Variants in GABRA3 observed in about 807,000 individuals in gnomAD.
GABRA3 encodes gamma-aminobutyric acid type A receptor subunit alpha3.
In GABRA3, 10 loss-of-function variants were observed where a neutral mutation model predicts 30.1. That is an observed-to-expected ratio of 0.33 (90% CI 0.20 to 0.56). The LOEUF (loss-of-function observed/expected upper bound fraction) is 0.56, where lower values mean the gene tolerates loss of function less well. Among genes scored for constraint, GABRA3 ranks in the 20% least tolerant of loss-of-function variants. GABRA3 has a pLI of 0.89. For missense variants in GABRA3, 233 were observed against 392.0 expected (o/e 0.59, Z 3.42); for synonymous variants, 151 against 146.8 (o/e 1.03, Z -0.21).
chrX:152,319,474 G>C (rs978370819), intron 3 of GABRA3, among the ~76,000 whole-genome samples: 3 of 111,666 alleles, frequency 2.7e-5, no homozygotes, highest in Admixed American at 9.5e-5. Flanking sequence ...ACATAAAATG[G>C]GGAAAGGACA....
chrX:152,252,059 T>C (rs1027858094), intron 5 of GABRA3, among the ~76,000 whole-genome samples: 1 of 111,370 alleles, frequency 9.0e-6, no homozygotes. Context: ...TCTTTTGTAC[T>C]ACCTCACAAA....
intron 1 of GABRA3, among the ~76,000 whole-genome samples, chrX:152,443,920 C>A (rs1931000148): frequency 9.0e-6 from 1 of 111,511 alleles, no homozygotes; most frequent in African/African-American, 3.3e-5. Context: ...TGGGGAAATG[C>A]TCACAATATA....
At chrX:152,202,944 C>A (rs780597223) in intron 7 of GABRA3, among the ~76,000 whole-genome samples, 1 of 112,047 alleles carries the variant, frequency 8.9e-6, no homozygotes, top group Non-Finnish European at 1.9e-5. Context: ...ATAGAATAAA[C>A]CCATAAGAAA....
chrX:152,281,757 T>C (rs1430750700), intron 4 of GABRA3, among the ~76,000 whole-genome samples: 3 of 111,837 alleles, frequency 2.7e-5, no homozygotes, highest in Non-Finnish European at 5.6e-5. Context: ...TCTGCAGGGC[T>C]TGCTATTAAT....
chrX:152,300,602 C>A (rs962954306), intron 3 of GABRA3, among the ~76,000 whole-genome samples: 1 of 112,327 alleles, frequency 8.9e-6, no homozygotes, highest in African/African-American at 3.2e-5. Flanking sequence ...GAGTTTAAAT[C>A]AACTATTATA....
At chrX:152,287,176 A>G (rs1409364330) in intron 3 of GABRA3, among the ~76,000 whole-genome samples, 1 of 112,410 alleles carries the variant, frequency 8.9e-6, no homozygotes, top group Non-Finnish European at 1.9e-5. Context: ...ATACAGAATA[A>G]CTTTCTAAAT....
chrX:152,403,238 G>C (rs1188208673), intron 1 of GABRA3, among the ~76,000 whole-genome samples: 1 of 110,915 alleles, frequency 9.0e-6, no homozygotes, highest in Non-Finnish European at 1.9e-5. Flanking sequence ...GTTTGCAATG[G>C]AATAATAGTT....
chrX:152,432,939 A>G (rs1930683201), intron 1 of GABRA3, among the ~76,000 whole-genome samples: 1 of 110,968 alleles, frequency 9.0e-6, no homozygotes, highest in Non-Finnish European at 1.9e-5. Flanking sequence ...ATAACCTATC[A>G]GTGCAATTCA....
intron 5 of GABRA3, among the ~76,000 whole-genome samples, chrX:152,244,703 A>G (rs1460004925): frequency 8.9e-6 from 1 of 111,941 alleles, no homozygotes; most frequent in Non-Finnish European, 1.9e-5. Flanking sequence ...TCTGGTTATC[A>G]TAAGCTACTT....
chrX:152,218,668 G>C, intron 6 of GABRA3, among the ~76,000 whole-genome samples: 1 of 110,909 alleles, frequency 9.0e-6, no homozygotes, highest in Non-Finnish European at 1.9e-5. Context: ...CTTTATAATT[G>C]TTATACTTTT....
intron 6 of GABRA3, among the ~76,000 whole-genome samples, chrX:152,212,857 CCTT>C (rs1385892196): frequency 9.0e-6 from 1 of 111,500 alleles, no homozygotes; most frequent in South Asian, 3.8e-4. Flanking sequence ...AGTTAGACCT[CCTT>C]CTGCTTTCCT....
At chrX:152,170,041 G>A (rs1961860882) in intron 9 of GABRA3, among the ~76,000 whole-genome samples, 1 of 111,922 alleles carries the variant, frequency 8.9e-6, no homozygotes, top group Admixed American at 9.5e-5. Flanking sequence ...ACTATGCTAG[G>A]TACTTAGAGA....
intron 3 of GABRA3, among the ~76,000 whole-genome samples, chrX:152,327,499 A>G (rs1426934542): frequency 3.6e-5 from 4 of 111,794 alleles, no homozygotes; most frequent in African/African-American, 9.7e-5. Context: ...ACAACAAACT[A>G]TCTCTCAGAC....
intron 3 of GABRA3, among the ~76,000 whole-genome samples, chrX:152,287,043 C>A (rs539691094): frequency 1.8e-5 from 2 of 111,528 alleles, no homozygotes; most frequent in East Asian, 2.8e-4. Context: ...TGCCTATATA[C>A]CTACTGTGTG....
At chrX:152,239,175 G>C (rs1372167601) in intron 5 of GABRA3, among the ~76,000 whole-genome samples, 2 of 96,187 alleles carry the variant, frequency 2.1e-5, no homozygotes, top group African/African-American at 7.9e-5. Flanking sequence ...ATGCGTCCCA[G>C]AGATTCTGGT....
chrX:152,397,748 C>G (rs905953523), intron 1 of GABRA3, among the ~76,000 whole-genome samples: 3 of 111,723 alleles, frequency 2.7e-5, no homozygotes, highest in African/African-American at 9.8e-5. Context: ...AGAAATTTCT[C>G]CTGTTTATTA....
chrX:152,283,977 G>C (rs1205541801), intron 4 of GABRA3, among the ~76,000 whole-genome samples: 1 of 111,240 alleles, frequency 9.0e-6, no homozygotes, highest in Non-Finnish European at 1.9e-5. Flanking sequence ...TTGAATATTT[G>C]ATACTCAGTA....
intron 4 of GABRA3, among the ~76,000 whole-genome samples, chrX:152,268,782 C>A (rs932341667): frequency 9.0e-6 from 1 of 111,409 alleles, no homozygotes; most frequent in Non-Finnish European, 1.9e-5. Context: ...GTTGCCCAGG[C>A]TGGTCTTGAA....
chrX:152,171,360 A>G, intron 9 of GABRA3: 4 of 605,428 alleles, frequency 6.6e-6, no homozygotes, highest in Non-Finnish European at 7.9e-6. Flanking sequence ...AGGGAAAATT[A>G]CCTTTTAATT....
Sources: allele counts gnomAD v4.1 joint callset (sites outside exome capture counted in the v4.1 genomes callset), GRCh38; gene constraint gnomAD v4.1.1; transcripts MANE v1.5; gene names NCBI Gene and HGNC (gene_info 2026-07-23, HGNC 2026-07-21).